The following DNM1L variants were observed in gnomAD, a reference collection of about 807,000 sequenced individuals.
DNM1L encodes dynamin-1-like protein.
DNM1L carries 33 observed loss-of-function variants against 92.8 expected under a neutral mutation model. The observed-to-expected ratio is 0.36, with a 90% CI of 0.27 to 0.48. The LOEUF (loss-of-function observed/expected upper bound fraction) is 0.48, where lower values mean the gene tolerates loss of function less well. Among genes scored for constraint, DNM1L ranks in the 20% least tolerant of loss-of-function variants. The pLI is 0.99. For synonymous variants in DNM1L, 284 were observed against 305.0 expected, an observed-to-expected ratio of 0.93 and a Z score of 0.72; for missense variants, 485 against 888.8, an observed-to-expected ratio of 0.55 and a Z score of 5.78.
Position 32,737,986 on chromosome 12 carries a change from G to A in DNM1L, c.1674+44G>A, listed in dbSNP as rs776263870. On this transcript the variant is annotated intron_variant, in intron 15 of 19. Coordinates refer to ENST00000549701, the MANE Select transcript of DNM1L (RefSeq NM_012062.5). ...TCTAAGCCTGCATGCCTTGTTCTCT[G>A]GTACAACATAATCTTCTGGAAACAA... is the stretch of plus-strand genomic sequence containing the variant. 2.3e-5 allele frequency: 36 copies of A among 1,578,816 alleles called. No homozygotes were observed. Among genetic ancestry groups the A allele is most frequent in the Admixed American group, 1.7e-5 (1 of 59,906 alleles).
At position 32,737,904 on chromosome 12, in the gene DNM1L, G is replaced by A; in HGVS notation, c.1636G>A (p.Glu546Lys). 1.2e-6 allele frequency: 2 copies of A among 1,613,876 alleles called. No individual in the cohort carries two copies. Among genetic ancestry groups the A allele is most frequent in the Non-Finnish European group, 1.7e-6 (2 of 1,179,994 alleles). The change falls in exon 15 of 20, where the codon GAG becomes AAG. Residue 546 changes from glutamate (E) to lysine (K), a missense_variant. By Grantham distance (56) the Glu-to-Lys change is moderately conservative (BLOSUM62 1). Around this residue, in one of 11 missense-constraint regions of DNM1L, gnomAD observed 65 missense variants for 59.4 expected, o/e 1.09. Transcript: ENST00000549701. The part of the protein sequence containing the change: ...VPSALAPASQ[E>K]PSPAASAEAD... ...AAGTGCTTTGGCACCTGCCTCCCAG[G>A]AGCCCTCCCCCGCTGCTTCTGCTGA...
chr12:32,724,314 A>G (rs1565525806), intron 9 of DNM1L, among the ~76,000 whole-genome samples: 2 of 152,100 alleles, frequency 1.3e-5, no homozygotes, highest in Non-Finnish European at 2.9e-5. Context: ...GCAGTGGCTC[A>G]CGCCTGTAAT....
intron 1 of DNM1L, among the ~76,000 whole-genome samples, chr12:32,680,312 C>A (rs1043349710): frequency 1.3e-5 from 2 of 152,268 alleles, no homozygotes; most frequent in Non-Finnish European, 1.5e-5. Context: ...GATTAGAGTT[C>A]AGAGAAACGG....
At position 32,720,795 on chromosome 12, in the gene DNM1L, G is replaced by A. The variant is rs930566171; in HGVS notation, c.872G>A (p.Arg291Lys). The change falls in exon 8 of 20, where the codon AGG (arginine) becomes AAG (lysine). Residue 291 changes from arginine to lysine, a missense_variant and splice_region_variant. Physicochemically the swap from Arg to Lys is conservative, Grantham distance 26. Coordinates refer to ENST00000549701, the MANE Select transcript of DNM1L (RefSeq NM_012062.5). ...GTKYLARTLN[R>K]LLMHHIRDCL... is the part of the protein sequence containing the mutation. ...AAGTATCTTGCTAGGACTCTAAACA[G>A]GTAATTTTTTTACCTTTTGGAAATG... is the stretch of plus-strand genomic sequence containing the variant. 6.2e-7 allele frequency: 1 copy of A among 1,612,848 alleles called. No individual in the cohort carries two copies. Among genetic ancestry groups the A allele is most frequent in the African/African-American group, 1.3e-5 (1 of 74,996 alleles).
intron 2 of DNM1L, among the ~76,000 whole-genome samples, chr12:32,702,824 T>TAC (rs1952766722): frequency 1.3e-5 from 2 of 152,170 alleles, no homozygotes; most frequent in African/African-American, 2.4e-5. Context: ...TGTGGGAGCC[T>TAC]TTTAATTACA....
chr12:32,739,858 C>A, intron 16 of DNM1L: 1 of 612,340 alleles, frequency 1.6e-6, no homozygotes, highest in East Asian at 2.9e-5. Context: ...TTGCAAACAA[C>A]TTAGAGCAGA....
chr12:32,726,792 C>T (rs1378491959), intron 9 of DNM1L: 8 of 620,392 alleles, frequency 1.3e-5, no homozygotes, highest in African/African-American at 1.1e-4. Context: ...CCCTGTACAA[C>T]CCATAATTTC....
At chr12:32,687,443 G>A (rs1001489535) in intron 1 of DNM1L, among the ~76,000 whole-genome samples, 1 of 146,058 alleles carries the variant, frequency 6.8e-6, no homozygotes, top group African/African-American at 2.6e-5. Context: ...GTTGAGCAAA[G>A]ATTTTGTTGT....
chr12:32,743,647 C>T lies in DNM1L; in HGVS notation c.*237C>T. 1.9e-6 allele frequency: 1 copy of T among 516,566 alleles called. No individual in the cohort carries two copies. Among genetic ancestry groups the T allele is most frequent in the Non-Finnish European group, 3.4e-6 (1 of 290,122 alleles). The allele number at this position is 516,566 out of a possible 1,614,324, so 32.0% of individuals were successfully genotyped here. On this transcript the variant is annotated 3_prime_UTR_variant, in exon 20 of 20. Coordinates refer to ENST00000549701, the MANE Select transcript of DNM1L (RefSeq NM_012062.5). ...TATATATAAAATACATCAAGTCTGT[C>T]TTGTGACAGTTTCATCTGAACTTAA...
At chr12:32,741,338 T>C (rs1315136713) in intron 18 of DNM1L, among the ~76,000 whole-genome samples, 2 of 152,168 alleles carry the variant, frequency 1.3e-5, no homozygotes, top group African/African-American at 4.8e-5. Context: ...CAGGCTGGGG[T>C]GCAGTGGCGC....
At position 32,741,316 on chromosome 12, in the gene DNM1L, C is replaced by T. The variant is rs191397777; in HGVS notation, c.1994+798C>T. 2.2e-3 allele frequency among the ~76,000 whole-genome samples: 333 copies of T among 152,304 alleles called. 1 individual carries two copies. The highest frequency in any genetic ancestry group is 0.02 in the Middle Eastern group (6 of 294). ...AGAAGGTGTTTTTGAGATGGAGTCT[C>T]GCTTTGTCGCCCAGGCTGGGGTGCA... is the stretch of plus-strand genomic sequence containing the variant. On this transcript the variant is annotated intron_variant, in intron 18 of 19. Transcript: ENST00000549701.
intron 2 of DNM1L, among the ~76,000 whole-genome samples, chr12:32,704,588 A>C (rs1458966215): frequency 1.3e-5 from 2 of 152,148 alleles, no homozygotes; most frequent in South Asian, 2.1e-4. Context: ...TGTTTCGTAG[A>C]ATAATGCTTA....
intron 2 of DNM1L, chr12:32,705,922 A>G (rs1484892420): frequency 6.7e-7 from 1 of 1,488,156 alleles, no homozygotes; most frequent in Admixed American, 1.7e-5. Context: ...ATGTGTGCTT[A>G]TGTACTATTA....
At chr12:32,695,655 C>T (rs753209512) in intron 1 of DNM1L, among the ~76,000 whole-genome samples, 21 of 152,034 alleles carry the variant, frequency 1.4e-4, no homozygotes, top group Non-Finnish European at 2.9e-4. Flanking sequence ...CGTGTAGTCC[C>T]AGCTACTCGG....
At chr12:32,742,477 T>C in intron 18 of DNM1L, 112 bp from the exon 19 acceptor site, 3 of 1,305,176 alleles carry the variant, frequency 2.3e-6, no homozygotes, top group African/African-American at 2.9e-5. Context: ...TAATGAAATA[T>C]CCAAAGTAGT....
At chr12:32,713,624 G>GAT (rs1953227298) in intron 6 of DNM1L, among the ~76,000 whole-genome samples, 1 of 151,986 alleles carries the variant, frequency 6.6e-6, no homozygotes, top group African/African-American at 2.4e-5. Context: ...AAATAATACG[G>GAT]TGGCTTTGCA....
At chr12:32,734,176 A>C (rs1333272194) in intron 13 of DNM1L, among the ~76,000 whole-genome samples, 1 of 152,234 alleles carries the variant, frequency 6.6e-6, no homozygotes, top group Non-Finnish European at 1.5e-5. Context: ...TAACCAACTT[A>C]GCATAAATTT....
intron 6 of DNM1L, among the ~76,000 whole-genome samples, chr12:32,716,555 G>A (rs1352175293): frequency 1.3e-5 from 2 of 151,946 alleles, no homozygotes; most frequent in Non-Finnish European, 2.9e-5. Flanking sequence ...CTGGGCTCAA[G>A]CAATCTGTCT....
At chr12:32,702,408 A>G (rs955574366) in intron 2 of DNM1L, among the ~76,000 whole-genome samples, 1 of 152,146 alleles carries the variant, frequency 6.6e-6, no homozygotes, top group African/African-American at 2.4e-5. Context: ...GAAATGTTGA[A>G]TGAGAGTAAC....
Sources: allele counts gnomAD v4.1 joint callset (sites outside exome capture counted in the v4.1 genomes callset), GRCh38; gene constraint gnomAD v4.1.1; regional missense constraint gnomAD v4.1.1; transcripts MANE v1.5; gene names NCBI Gene and HGNC (gene_info 2026-07-23, HGNC 2026-07-21).